Variants in ARSG observed in about 807,000 individuals in gnomAD.
The protein encoded by ARSG is ASG.
In ARSG, 37 loss-of-function variants were observed where a neutral mutation model predicts 50.5. The ratio of observed to expected loss-of-function variants is 0.73; its 90% confidence interval spans 0.56 to 0.96. ARSG has a LOEUF of 0.96. Ranked by LOEUF, ARSG falls within the 50% of genes least tolerant of loss-of-function variation. The pLI is 0.00. For synonymous variants in ARSG, 225 were observed against 254.6 expected (o/e 0.88, Z 1.11); for missense variants, 629 against 675.3 (o/e 0.93, Z 0.76).
At chr17:68,353,018 A>C (rs891751835) in intron 5 of ARSG, among the ~76,000 whole-genome samples, 2 of 152,116 alleles carry the variant, frequency 1.3e-5, no homozygotes, top group Non-Finnish European at 2.9e-5. Context: ...GGTGAGTCTC[A>C]GCTCGTCTAT....
chr17:68,302,287 C>A (rs1441444997), intron 1 of ARSG, among the ~76,000 whole-genome samples: 1 of 152,146 alleles, frequency 6.6e-6, no homozygotes, highest in Non-Finnish European at 1.5e-5. Flanking sequence ...ATCCCAGAGA[C>A]CTGCTCCCCC....
chr17:68,365,529 C>G (rs1161735409), intron 6 of ARSG, among the ~76,000 whole-genome samples: 1 of 152,186 alleles, frequency 6.6e-6, no homozygotes, highest in Non-Finnish European at 1.5e-5. Flanking sequence ...TCTGCCATCT[C>G]TCATAACTGC....
chr17:68,436,702 C>T, the ARSG span, among the ~76,000 whole-genome samples: 1 of 152,308 alleles, frequency 6.6e-6, no homozygotes, highest in Middle Eastern at 3.4e-3. Context: ...TGCGTCCTTG[C>T]TACAGTGAAA....
At chr17:68,344,997 AG>A (rs1326397380) in intron 3 of ARSG, among the ~76,000 whole-genome samples, 2 of 152,220 alleles carry the variant, frequency 1.3e-5, no homozygotes, top group Non-Finnish European at 2.9e-5. Context: ...TTGTCCCAGA[AG>A]GGGTAAGTCC....
chr17:68,422,666 T>G (rs551380047), downstream of ARSG: 1 of 143,826 alleles, frequency 7.0e-6, no homozygotes, highest in East Asian at 2.0e-4. Flanking sequence ...GAGGTGGAGG[T>G]TGCAGTGAGT....
chr17:68,358,274 G>A (rs772648982), intron 6 of ARSG, among the ~76,000 whole-genome samples: 33 of 151,972 alleles, frequency 2.2e-4, no homozygotes, highest in Non-Finnish European at 4.0e-4. Context: ...GGCTGTGTGC[G>A]GTGGCTCCTA....
chr17:68,383,934 G>T (rs532094328), intron 8 of ARSG, among the ~76,000 whole-genome samples: 2 of 152,130 alleles, frequency 1.3e-5, no homozygotes, highest in African/African-American at 2.4e-5. Flanking sequence ...AAACTTGAGG[G>T]ACTCCAAAGC....
the ARSG span, chr17:68,451,039 A>G: frequency 3.0e-3 from 3,572 of 1,193,240 alleles, 86 homozygotes; most frequent in East Asian, 0.06. Context: ...CTGAGCTTGC[A>G]TTGACAGTGA....
chr17:68,435,591 G>A, the ARSG span: 4 of 1,609,382 alleles, frequency 2.5e-6, no homozygotes, highest in Non-Finnish European at 3.4e-6. Flanking sequence ...GCGAAACCCA[G>A]ACAGAGGTGT....
At chr17:68,301,545 G>C (rs2055759364) in intron 1 of ARSG, among the ~76,000 whole-genome samples, 1 of 152,140 alleles carries the variant, frequency 6.6e-6, no homozygotes, top group Non-Finnish European at 1.5e-5. Flanking sequence ...CTCTCACCTG[G>C]ACTCACCTGG....
intron 7 of ARSG, among the ~76,000 whole-genome samples, chr17:68,369,551 A>AT (rs2079721798): frequency 6.6e-6 from 1 of 151,880 alleles, no homozygotes; most frequent in Non-Finnish European, 1.5e-5. Context: ...AAAAAAAAAA[A>AT]GCACTGCTTT....
chr17:68,410,898 A>G (rs1479758808), intron 11 of ARSG, among the ~76,000 whole-genome samples: 1 of 152,156 alleles, frequency 6.6e-6, no homozygotes, highest in Non-Finnish European at 1.5e-5. Context: ...TAGATTTTCT[A>G]GTTTATTTGC....
chr17:68,353,615 G>A (rs183296040), intron 5 of ARSG, among the ~76,000 whole-genome samples: 1 of 152,274 alleles, frequency 6.6e-6, no homozygotes, highest in East Asian at 1.9e-4. Context: ...ACCCACCGTG[G>A]CCTGCTGGGC....
At chr17:68,433,087 T>C in the ARSG span, among the ~76,000 whole-genome samples, 1 of 152,260 alleles carries the variant, frequency 6.6e-6, no homozygotes, top group Non-Finnish European at 1.5e-5. Flanking sequence ...TACAGCTATA[T>C]CAGCTAACAC....
chr17:68,379,437 T>TTTTTA (rs2080319854), intron 8 of ARSG, among the ~76,000 whole-genome samples: 1 of 142,682 alleles, frequency 7.0e-6, no homozygotes, highest in Non-Finnish European at 1.5e-5. Context: ...TTTTTTTTTT[T>TTTTTA]TTTTTTTTTT....
the ARSG span, chr17:68,433,431 C>T: frequency 1.4e-5 from 22 of 1,574,582 alleles, no homozygotes; most frequent in Non-Finnish European, 1.8e-5. Context: ...TGACTCCTTT[C>T]GTTTAATGAG....
intron 8 of ARSG, among the ~76,000 whole-genome samples, chr17:68,380,141 G>A (rs572966251): frequency 1.3e-5 from 2 of 152,140 alleles, no homozygotes; most frequent in East Asian, 3.9e-4. Flanking sequence ...TCCACTTAAT[G>A]AATAGAAAAT....
intron 11 of ARSG, among the ~76,000 whole-genome samples, chr17:68,415,659 T>C (rs1442688820): frequency 1.1e-4 from 16 of 152,226 alleles, no homozygotes; most frequent in Non-Finnish European, 5.9e-5. Flanking sequence ...GTCTATCTCA[T>C]TTCTTACGTT....
intron 2 of ARSG, among the ~76,000 whole-genome samples, chr17:68,329,493 T>C (rs190422101): frequency 3.3e-5 from 5 of 152,312 alleles, no homozygotes; most frequent in East Asian, 1.9e-4. Context: ...AGAGCCCACA[T>C]TGGACAGCTC....
Sources: allele counts gnomAD v4.1 joint callset (sites outside exome capture counted in the v4.1 genomes callset), GRCh38; gene constraint gnomAD v4.1.1; transcripts MANE v1.5; gene names NCBI Gene and HGNC (gene_info 2026-07-23, HGNC 2026-07-21).